PDE4D: variants seen among roughly 807,000 people sequenced by gnomAD.
PDE4D encodes the protein phosphodiesterase 4D, also known as 3',5'-cyclic-AMP phosphodiesterase 4D.
PDE4D carries 24 observed loss-of-function variants against 87.4 expected under a neutral mutation model. The observed-to-expected ratio is 0.27, with a 90% CI of 0.20 to 0.39. PDE4D has a LOEUF of 0.39. Ranked by LOEUF, PDE4D falls within the 10% of genes least tolerant of loss-of-function variation. PDE4D has a pLI of 1.00. For synonymous variants in PDE4D, 384 were observed against 383.2 expected, an observed-to-expected ratio of 1.00 and a Z score of -0.02; for missense variants, 714 against 1,041.0, an observed-to-expected ratio of 0.69 and a Z score of 4.32.
At chr5:60,333,090 G>T (rs539701626) in intron 1 of PDE4D, among the ~76,000 whole-genome samples, 56 of 152,260 alleles carry the variant, frequency 3.7e-4, no homozygotes, top group African/African-American at 1.3e-3. Flanking sequence ...TCATTACCCT[G>T]ATATATTCTC....
chr5:60,350,496 G>A (rs2149923190), intron 1 of PDE4D, among the ~76,000 whole-genome samples: 1 of 152,222 alleles, frequency 6.6e-6, no homozygotes, highest in African/African-American at 2.4e-5. Context: ...AAGGGTCACA[G>A]CCTAGATGCT....
chr5:59,605,754 C>G (rs1262309107), intron 1 of PDE4D, among the ~76,000 whole-genome samples: 1 of 152,040 alleles, frequency 6.6e-6, no homozygotes, highest in Non-Finnish European at 1.5e-5. Flanking sequence ...ACCTCTGGGT[C>G]ACTTTCACCA....
chr5:60,415,672 G>T (rs997725036), intron 1 of PDE4D, among the ~76,000 whole-genome samples: 1 of 152,232 alleles, frequency 6.6e-6, no homozygotes, highest in Non-Finnish European at 1.5e-5. Context: ...GGGACCTGCA[G>T]TGCGGCCACG....
chr5:59,409,803 T>C (rs774673896), intron 1 of PDE4D, among the ~76,000 whole-genome samples: 6 of 152,134 alleles, frequency 3.9e-5, no homozygotes, highest in Non-Finnish European at 5.9e-5. Flanking sequence ...CATGGGGTAA[T>C]TGAGGAATAA....
At chr5:60,243,858 A>G (rs188661071) in intron 1 of PDE4D, among the ~76,000 whole-genome samples, 2 of 152,064 alleles carry the variant, frequency 1.3e-5, no homozygotes, top group African/African-American at 2.4e-5. Context: ...CACTAAAGGA[A>G]GAAACACTGA....
At chr5:59,847,972 A>T (rs1374726626) in intron 1 of PDE4D, among the ~76,000 whole-genome samples, 4 of 152,084 alleles carry the variant, frequency 2.6e-5, no homozygotes, top group Non-Finnish European at 4.4e-5. Context: ...TTCTTATTTC[A>T]TAACATATAA....
At chr5:59,504,789 C>T (rs1463129627) in intron 1 of PDE4D, among the ~76,000 whole-genome samples, 1 of 152,066 alleles carries the variant, frequency 6.6e-6, no homozygotes, top group Non-Finnish European at 1.5e-5. Context: ...TCATTTTCCC[C>T]CTGCTCTCTC....
At chr5:59,747,921 T>C (rs1280438658) in intron 1 of PDE4D, among the ~76,000 whole-genome samples, 1 of 152,122 alleles carries the variant, frequency 6.6e-6, no homozygotes, top group East Asian at 1.9e-4. Flanking sequence ...GCTGCTTCTT[T>C]CTCAAAACCA....
At chr5:59,712,674 C>T (rs180948649) in intron 1 of PDE4D, among the ~76,000 whole-genome samples, 32 of 151,094 alleles carry the variant, frequency 2.1e-4, no homozygotes, top group African/African-American at 5.1e-4. Context: ...AATGTATATA[C>T]GCTATAGGGT....
At chr5:59,974,693 T>C (rs1761126740) in intron 3 of PDE4D, among the ~76,000 whole-genome samples, 1 of 152,206 alleles carries the variant, frequency 6.6e-6, no homozygotes, top group South Asian at 2.1e-4. Context: ...TGAAAATATT[T>C]TGGAATGCTG....
At position 59,919,192 on chromosome 5, in the gene PDE4D, T is replaced by A. The variant is rs193217750; in HGVS notation, c.272+69296A>T. Among the ~76,000 whole-genome samples the A allele has an allele frequency of 2.2e-4, 34 of 152,324 alleles. 1 individual carries two copies. The East Asian group carries it at 6.2e-3, about 28-fold the overall frequency. ...TCAGCAAAATACTCCCCAAGCAGGTTGGTAACGTCAAGTCTCCTTAGTTTA... is the reference window on the plus strand; with the variant it reads ...TCAGCAAAATACTCCCCAAGCAGGTAGGTAACGTCAAGTCTCCTTAGTTTA... On this transcript the variant is annotated intron_variant, in intron 3 of 16. Transcript: ENST00000502484.
intron 1 of PDE4D, among the ~76,000 whole-genome samples, chr5:59,513,145 G>A (rs1445454419): frequency 6.6e-6 from 1 of 152,028 alleles, no homozygotes; most frequent in Non-Finnish European, 1.5e-5. Flanking sequence ...GTGAATATTG[G>A]TTTACAGTGC....
At chr5:60,410,733 T>TA (rs1741975830) in intron 1 of PDE4D, among the ~76,000 whole-genome samples, 2 of 152,218 alleles carry the variant, frequency 1.3e-5, no homozygotes, top group African/African-American at 4.8e-5. Context: ...CCAAAGCTCT[T>TA]ACAGCTGTCA....
chr5:59,576,611 T>G (rs1299596828), intron 1 of PDE4D, among the ~76,000 whole-genome samples: 1 of 152,126 alleles, frequency 6.6e-6, no homozygotes, highest in East Asian at 1.9e-4. Flanking sequence ...TAGAAAAAAG[T>G]AGTCGAGGTG....
intron 1 of PDE4D, among the ~76,000 whole-genome samples, chr5:59,256,913 G>A (rs1021845637): frequency 6.6e-5 from 10 of 151,854 alleles, no homozygotes; most frequent in African/African-American, 2.4e-4. Flanking sequence ...AGTTCTTCCA[G>A]AGCAACACAA....
chr5:59,840,405 G>A (rs942233011), intron 1 of PDE4D, among the ~76,000 whole-genome samples: 3 of 151,996 alleles, frequency 2.0e-5, no homozygotes, highest in South Asian at 2.1e-4. Flanking sequence ...AGCCTCATGA[G>A]AGGAGGGGCC....
intron 1 of PDE4D, among the ~76,000 whole-genome samples, chr5:60,265,734 G>A (rs1750137011): frequency 1.3e-5 from 2 of 152,064 alleles, no homozygotes; most frequent in Admixed American, 1.3e-4. Context: ...CATAAAAGGG[G>A]CCAGAGTCAC....
At chr5:60,263,107 T>C (rs1237996514) in intron 1 of PDE4D, among the ~76,000 whole-genome samples, 1 of 152,182 alleles carries the variant, frequency 6.6e-6, no homozygotes, top group Non-Finnish European at 1.5e-5. Context: ...TAAACCTCTG[T>C]GCTAACGCCC....
intron 2 of PDE4D, among the ~76,000 whole-genome samples, chr5:60,102,539 T>A (rs1030357572): frequency 1.3e-5 from 2 of 152,160 alleles, no homozygotes; most frequent in African/African-American, 4.8e-5. Flanking sequence ...AATTTCATTT[T>A]AACATGACTG....
Sources: gnomAD v4.1 joint callset for allele counts (sites outside exome capture counted in the v4.1 genomes callset) on GRCh38, gnomAD v4.1.1 for gene constraint, MANE v1.5 for transcripts, NCBI Gene and HGNC (gene_info 2026-07-23, HGNC 2026-07-21) for gene names.